The following DEPDC5 variants were observed in gnomAD, a reference collection of about 807,000 sequenced individuals.
The protein encoded by DEPDC5 is DEP domain containing 5, GATOR1 subcomplex subunit, also known as GATOR1 complex protein DEPDC5.
Under a neutral mutation model 217.3 loss-of-function variants are expected in DEPDC5, and 73 were observed. The observed-to-expected ratio is 0.34, with a 90% CI of 0.28 to 0.41. DEPDC5 has a LOEUF of 0.41. DEPDC5 is among the 10% of genes least tolerant of loss of function. DEPDC5 has a pLI of 1.00. For missense variants in DEPDC5, 1,675 were observed against 2,070.1 expected (o/e 0.81, Z 3.70); for synonymous variants, 733 against 756.7 (o/e 0.97, Z 0.51).
chr22:31,879,119 C>CAT (rs34407893), intron 37 of DEPDC5, among the ~76,000 whole-genome samples: 35 of 141,232 alleles, frequency 2.5e-4, no homozygotes, highest in Admixed American at 7.9e-4. Context: ...TATATATACA[C>CAT]ATATATATAT....
At chr22:31,870,352 T>G (rs546748897) in intron 33 of DEPDC5, among the ~76,000 whole-genome samples, 1 of 151,642 alleles carries the variant, frequency 6.6e-6, no homozygotes, top group South Asian at 2.1e-4. Flanking sequence ...AGGGTGGGAG[T>G]TCCCAGCTGC....
intron 31 of DEPDC5, chr22:31,853,348 G>A (rs1399329451): frequency 1.3e-5 from 2 of 152,136 alleles, no homozygotes; most frequent in Non-Finnish European, 2.9e-5. Flanking sequence ...CAAGGCAGGA[G>A]GCAGGACAAA....
intron 4 of DEPDC5, among the ~76,000 whole-genome samples, chr22:31,762,515 A>G (rs770317314): frequency 1.1e-4 from 17 of 152,160 alleles, no homozygotes; most frequent in African/African-American, 2.2e-4. Flanking sequence ...TGTAATCCCA[A>G]CACTTTGGGA....
Position 31,768,825 on chromosome 22 carries a change from T to C in DEPDC5, c.375T>C (p.Cys125=). Residue 125 remains cysteine, a synonymous_variant, in exon 7 of 43, where the codon TGT becomes TGC. Transcript: ENST00000651528. ...CCCCCTCCTCTTAGGTCAGCACATG[T>C]GCCTATATCACCCAGAAGGTGGAGT... ...WRLKKSLVST[C]AYITQKVEFA... 1 of 1,613,768 alleles carries C rather than the reference T, an allele frequency of 6.2e-7. No homozygotes were observed. The highest frequency in any genetic ancestry group is 8.5e-7 in the Non-Finnish European group (1 of 1,179,870).
At chr22:31,785,286 GT>G (rs1556574492) in intron 10 of DEPDC5, among the ~76,000 whole-genome samples, 70 of 150,438 alleles carry the variant, frequency 4.7e-4, no homozygotes, top group Non-Finnish European at 8.4e-4. Flanking sequence ...CACAAAGTAA[GT>G]ATTAGAGCTA....
intron 26 of DEPDC5, chr22:31,837,409 G>T (rs2091092110): frequency 1.9e-6 from 1 of 517,548 alleles, no homozygotes. Context: ...GGAGTACAGT[G>T]GTATGATCAC....
intron 33 of DEPDC5, among the ~76,000 whole-genome samples, chr22:31,863,780 C>T (rs141743538): frequency 1.8e-4 from 28 of 151,904 alleles, no homozygotes; most frequent in African/African-American, 6.3e-4. Context: ...AAAATTAGAC[C>T]GGGCTCGTGG....
intron 38 of DEPDC5, among the ~76,000 whole-genome samples, chr22:31,888,344 G>A (rs2149348497): frequency 6.9e-6 from 1 of 145,410 alleles, no homozygotes; most frequent in South Asian, 2.3e-4. Context: ...CCGCCTCCCG[G>A]TTTCAAGCAA....
intron 21 of DEPDC5, chr22:31,817,542 G>A (rs555627465): frequency 3.9e-5 from 15 of 385,460 alleles, no homozygotes; most frequent in Non-Finnish European, 6.6e-5. Context: ...AGGCTGTAGT[G>A]CAGTGGTACA....
chr22:31,828,841 C>G (rs2090366530), intron 24 of DEPDC5, among the ~76,000 whole-genome samples: 1 of 152,230 alleles, frequency 6.6e-6, no homozygotes, highest in African/African-American at 2.4e-5. Flanking sequence ...TCTGCTTCCT[C>G]ATGCACTTGG....
At chr22:31,772,018 G>C (rs1396803174) in intron 7 of DEPDC5, among the ~76,000 whole-genome samples, 1 of 152,014 alleles carries the variant, frequency 6.6e-6, no homozygotes, top group African/African-American at 2.4e-5. Flanking sequence ...AGTGAGCCTT[G>C]ATCATTCTGC....
chr22:31,756,387 G>A (rs1189117517), intron 2 of DEPDC5, among the ~76,000 whole-genome samples: 1 of 152,068 alleles, frequency 6.6e-6, no homozygotes. Context: ...GTAATTACCA[G>A]GCTACAGGCA....
At chr22:31,850,248 CATG>C (rs2091956477) in intron 31 of DEPDC5, among the ~76,000 whole-genome samples, 2 of 151,528 alleles carry the variant, frequency 1.3e-5, no homozygotes, top group South Asian at 4.2e-4. Flanking sequence ...TGACATGATA[CATG>C]ATGTTATATA....
chr22:31,773,418 G>A (rs1172800086), intron 7 of DEPDC5, among the ~76,000 whole-genome samples: 1 of 152,056 alleles, frequency 6.6e-6, no homozygotes, highest in East Asian at 1.9e-4. Context: ...CCTCAGGCTG[G>A]TTTCCAACTC....
intron 24 of DEPDC5, among the ~76,000 whole-genome samples, chr22:31,832,467 T>C (rs1472331685): frequency 2.0e-5 from 3 of 151,870 alleles, no homozygotes; most frequent in African/African-American, 4.8e-5. Context: ...AATAAGCATG[T>C]AGTGGTATCT....
chr22:31,760,580 C>T (rs1286312790), intron 3 of DEPDC5, 76 bp from the exon 4 acceptor site: 1 of 1,310,152 alleles, frequency 7.6e-7, no homozygotes, highest in Non-Finnish European at 1.1e-6. Flanking sequence ...GACCTATTTG[C>T]CTTTTGTCGG....
chr22:31,791,361 C>T (rs1204447104), intron 10 of DEPDC5, among the ~76,000 whole-genome samples: 5 of 152,000 alleles, frequency 3.3e-5, no homozygotes, highest in African/African-American at 1.2e-4. Context: ...ATATTATGTG[C>T]AGCTGGGCCT....
In DEPDC5 at chr22:31,865,881, T is replaced by C. The variant is rs545519554; in HGVS notation, c.3330+4448T>C. Reference sequence around the variant, plus strand: ...CATATGGGATTCTGTTGTGGATCCCTTTGCAATGCCTCTGTCTGCGTGGCA... The same window carrying C: ...CATATGGGATTCTGTTGTGGATCCCCTTGCAATGCCTCTGTCTGCGTGGCA... On this transcript the variant is annotated intron_variant, in intron 33 of 42. Coordinates refer to ENST00000651528, the MANE Select transcript of DEPDC5 (RefSeq NM_001242896.3). Among the ~76,000 whole-genome samples the C allele has an allele frequency of 1.6e-3, 240 of 152,334 alleles. 1 individual carries two copies. The highest frequency in any genetic ancestry group is 2.7e-3 in the Non-Finnish European group (186 of 68,028).
intron 34 of DEPDC5, among the ~76,000 whole-genome samples, chr22:31,872,418 G>A (rs147016213): frequency 1.9e-3 from 295 of 152,264 alleles, no homozygotes; most frequent in African/African-American, 5.7e-3. Context: ...ATAAACATTC[G>A]CCTCACATCA....
Sources: allele counts gnomAD v4.1 joint callset (sites outside exome capture counted in the v4.1 genomes callset), GRCh38; gene constraint gnomAD v4.1.1; transcripts MANE v1.5; gene names NCBI Gene and HGNC (gene_info 2026-07-23, HGNC 2026-07-21).